Variants in CEP89 observed in about 807,000 individuals in gnomAD.
CEP89 encodes the protein centrosomal protein 89, also known as centrosomal protein of 89 kDa.
A neutral mutation model predicts 97.6 loss-of-function variants in CEP89; 95 were observed. The observed-to-expected ratio is 0.97, with a 90% CI of 0.82 to 1.15. The LOEUF is 1.15. Ranked by LOEUF, CEP89 falls within the 50% of genes most tolerant of loss-of-function variation. The pLI, the probability that CEP89 is intolerant of heterozygous loss-of-function variation, is 0.00. For missense variants in CEP89, 869 were observed against 947.7 expected (o/e 0.92, Z 1.09); for synonymous variants, 354 against 349.1 (o/e 1.01, Z -0.16).
chr19:32,963,472 C>A (rs886510365), intron 2 of CEP89: 1 of 152,182 alleles, frequency 6.6e-6, no homozygotes, highest in African/African-American at 2.4e-5. Flanking sequence ...CCCTTGTGCT[C>A]TTTTATTCTA....
intron 2 of CEP89, chr19:32,963,658 A>G (rs1306141496): frequency 6.6e-6 from 1 of 152,278 alleles, no homozygotes; most frequent in Non-Finnish European, 1.5e-5. Context: ...TCCATGAAAG[A>G]GCTAGGAACT....
chr19:32,880,791 G>A (rs577718777), intron 18 of CEP89, among the ~76,000 whole-genome samples: 1 of 152,282 alleles, frequency 6.6e-6, no homozygotes, highest in South Asian at 2.1e-4. Context: ...AAACCAAAGA[G>A]GCAGACAAAG....
At chr19:32,922,628 A>G (rs1970273284) in intron 12 of CEP89, among the ~76,000 whole-genome samples, 2 of 152,174 alleles carry the variant, frequency 1.3e-5, no homozygotes, top group South Asian at 4.1e-4. Context: ...TGGGCAGATC[A>G]CATGAGGTCA....
chr19:32,926,155 A>G, intron 11 of CEP89, 35 bp downstream of exon 11: 1 of 1,473,444 alleles, frequency 6.8e-7, no homozygotes, highest in Non-Finnish European at 9.5e-7. Context: ...ATATTTTTAT[A>G]AATCTTGTGT....
chr19:32,916,057 G>A (rs1970120830), intron 13 of CEP89, among the ~76,000 whole-genome samples: 1 of 151,950 alleles, frequency 6.6e-6, no homozygotes, highest in Non-Finnish European at 1.5e-5. Context: ...GGGGAGTATT[G>A]CTTGGGGTCA....
intron 3 of CEP89, among the ~76,000 whole-genome samples, chr19:32,957,627 T>C (rs981985996): frequency 6.6e-6 from 1 of 152,080 alleles, no homozygotes; most frequent in Non-Finnish European, 1.5e-5. Context: ...CTGGCCAACA[T>C]GGTGAAACCC....
chr19:32,934,205 C>A lies in CEP89; in HGVS notation c.668-536G>T, dbSNP rs1234426763. ...AGGTCTGTGTCTGGCAGATGCTCCC[C>A]CAGATGAGGAGCACACTGTGAAGAG... is the stretch of plus-strand genomic sequence containing the variant. On this transcript the variant is annotated intron_variant, in intron 7 of 18. Coordinates refer to ENST00000305768, the MANE Select transcript of CEP89 (RefSeq NM_032816.5). 2.0e-5 allele frequency among the ~76,000 whole-genome samples: 3 copies of A among 152,098 alleles called. No homozygotes were observed. The South Asian group carries it at 6.2e-4, about 32-fold the overall frequency.
chr19:32,938,757 C>G (rs766108942), intron 6 of CEP89, among the ~76,000 whole-genome samples: 7 of 152,132 alleles, frequency 4.6e-5, no homozygotes, highest in Non-Finnish European at 7.3e-5. Context: ...TGAGACCAGA[C>G]TGGCCAACAT....
chr19:32,949,921 C>A (rs1302849934), intron 4 of CEP89, among the ~76,000 whole-genome samples: 2 of 152,090 alleles, frequency 1.3e-5, no homozygotes, highest in African/African-American at 4.8e-5. Flanking sequence ...GTCCACCTGT[C>A]TCTGTGGACA....
At chr19:32,900,888 CTTT>C (rs34188586) in intron 15 of CEP89, among the ~76,000 whole-genome samples, 10 of 138,122 alleles carry the variant, frequency 7.2e-5, no homozygotes, top group Non-Finnish European at 7.8e-5. Context: ...CTTCATTTGT[CTTT>C]TTTTTTTTTT....
At chr19:32,905,120 C>T (rs1453202088) in intron 14 of CEP89, among the ~76,000 whole-genome samples, 1 of 152,162 alleles carries the variant, frequency 6.6e-6, no homozygotes, top group Admixed American at 6.5e-5. Context: ...GTAGCCAGTG[C>T]TGTTAATGTT....
chr19:32,898,150 C>G (rs536719716), intron 16 of CEP89, among the ~76,000 whole-genome samples: 36 of 152,062 alleles, frequency 2.4e-4, no homozygotes, highest in Non-Finnish European at 4.9e-4. Flanking sequence ...AATGGACAAA[C>G]AGATAAAGAA....
intron 3 of CEP89, among the ~76,000 whole-genome samples, chr19:32,955,818 C>G (rs1388713712): frequency 6.6e-6 from 1 of 151,920 alleles, no homozygotes; most frequent in Admixed American, 6.6e-5. Flanking sequence ...CCGGCCCATA[C>G]AGTAAATTCT....
intron 13 of CEP89, chr19:32,917,711 G>C (rs1266141311): frequency 1.4e-6 from 1 of 709,440 alleles, no homozygotes; most frequent in Admixed American, 6.3e-5. Flanking sequence ...GGCTCCTAGG[G>C]GTTGGGGGAA....
intron 16 of CEP89, among the ~76,000 whole-genome samples, chr19:32,897,266 G>C (rs186864177): frequency 7.4e-4 from 112 of 152,308 alleles, no homozygotes; most frequent in African/African-American, 2.6e-3. Flanking sequence ...AGTTGAGGCA[G>C]TCTTTTTCTT....
At position 32,876,556 on chromosome 19, in the gene CEP89, T is replaced by A. The variant is rs1400820403; in HGVS notation, c.*2606A>T. The stretch of plus-strand genomic sequence containing the variant: ...GCCTGCTGTGCTCCTGGGGGCCCTC[T>A]CCACCCTTCTGTAGCTCCTGAAACC... On this transcript the variant is annotated 3_prime_UTR_variant, in exon 19 of 19. Transcript: ENST00000305768. 1 of 153,792 alleles carries A rather than the reference T, an allele frequency of 6.5e-6. No individual in the cohort carries two copies. The highest frequency in any genetic ancestry group is 1.9e-4 in the East Asian group (1 of 5,228). The allele number at this position is 153,792 out of a possible 1,614,324, so 9.5% of individuals were successfully genotyped here. A position where few individuals can be genotyped will look rare whatever the true frequency, so the allele number is the denominator to read the frequency against.
At chr19:32,958,013 T>TC (rs386388893) in intron 3 of CEP89, among the ~76,000 whole-genome samples, 7,271 of 123,548 alleles carry the variant, frequency 0.059, 672 homozygotes, top group African/African-American at 0.21. Context: ...AACAAAAAAA[T>TC]CCCCCCCCCG....
At position 32,887,752 on chromosome 19, in the gene CEP89, C is replaced by G; in HGVS notation, c.1965G>C (p.Lys655Asn). The change falls in exon 17 of 19, where the codon AAG (lysine) becomes AAC (asparagine). Residue 655 changes from lysine (K) to asparagine (N), a missense_variant and splice_region_variant. Physicochemically the swap from Lys to Asn is moderately conservative, Grantham distance 94 (BLOSUM62 0). Coordinates refer to ENST00000305768, the MANE Select transcript of CEP89 (RefSeq NM_032816.5). ...TCTCTGAGGCCAAATAACCACTTAC[C>G]TTGACTTTTTCCTCTAACTTTCCCA... is the stretch of plus-strand genomic sequence containing the variant. ...IRLGKLEEKV[K>N]GYKKQAALKL... 4 of 1,597,208 alleles carry G rather than the reference C, an allele frequency of 2.5e-6. No individual in the cohort carries two copies. The highest frequency in any genetic ancestry group is 3.4e-6 in the Non-Finnish European group (4 of 1,164,574).
At chr19:32,953,547 T>C (rs75223967) in intron 4 of CEP89, 68 bp downstream of exon 4, 2 of 1,240,138 alleles carry the variant, frequency 1.6e-6, no homozygotes, top group African/African-American at 3.0e-5. Context: ...TCCTTAGCAA[T>C]GCACTAATTT....
Sources: allele counts gnomAD v4.1 joint callset (sites outside exome capture counted in the v4.1 genomes callset), GRCh38; gene constraint gnomAD v4.1.1; transcripts MANE v1.5; gene names NCBI Gene and HGNC (gene_info 2026-07-23, HGNC 2026-07-21).